The following NCS1 variants were observed in gnomAD, a reference collection of about 807,000 sequenced individuals.
NCS1 encodes the protein neuronal calcium sensor 1, also known as frequenin homolog.
In NCS1, 6 loss-of-function variants were observed where a neutral mutation model predicts 28.4. The ratio of observed to expected loss-of-function variants is 0.21; its 90% CI spans 0.12 to 0.42. The LOEUF (loss-of-function observed/expected upper bound fraction) is 0.42, where lower values mean the gene tolerates loss of function less well. NCS1 is among the 10% of genes least tolerant of loss of function. The pLI, the probability that NCS1 is intolerant of heterozygous loss-of-function variation, is 1.00. For synonymous variants in NCS1, 86 were observed against 99.3 expected (o/e 0.87, Z 0.79); for missense variants, 131 against 241.4 (o/e 0.54, Z 3.03).
rs1832739831 is a variant in NCS1, at chr9:130,186,490, G to C, written c.64+13763G>C. On this transcript the variant is annotated intron_variant, in intron 1 of 7. Coordinates refer to ENST00000372398, the MANE Select transcript of NCS1 (RefSeq NM_014286.4). The surrounding 1 kb of genome is among the most constrained non-coding windows in gnomAD (Gnocchi z 4.1). ...GAATTTGATAGTACTGCTTGAGGGA[G>C]ATGAGAAGTTTGCGGGGAGGGTTTG... Among the ~76,000 whole-genome samples, 1 of 152,168 alleles carries C rather than the reference G, an allele frequency of 6.6e-6. No homozygotes were observed.
At position 130,232,019 on chromosome 9, in the gene NCS1, T is replaced by C. The variant is rs1269962193; in HGVS notation, c.*18-971T>C. Among the ~76,000 whole-genome samples the C allele has an allele frequency of 6.6e-6, 1 of 152,116 alleles. No individual in the cohort carries two copies. Among genetic ancestry groups the C allele is most frequent in the Non-Finnish European group, 1.5e-5 (1 of 68,026 alleles). ...TGGAGTGCAGTGATGCAATCTCGGC[T>C]CACTGCAACCTCTGCCTCCCAGGTT... On this transcript the variant is annotated intron_variant, in intron 7 of 7. Transcript: ENST00000372398. The surrounding 1 kb of genome is among the most constrained non-coding windows in gnomAD (Gnocchi z 4.4).
intron 1 of NCS1, among the ~76,000 whole-genome samples, chr9:130,198,435 C>G (rs1350352364): frequency 6.6e-6 from 1 of 152,172 alleles, no homozygotes; most frequent in Non-Finnish European, 1.5e-5. Flanking sequence ...CTGTTTGTGT[C>G]GAATGCTGCC....
intron 1 of NCS1, among the ~76,000 whole-genome samples, chr9:130,178,917 T>C (rs1588107149): frequency 1.7e-5 from 1 of 58,058 alleles, no homozygotes; most frequent in African/African-American, 6.9e-5. Flanking sequence ...TCCCCTTCCC[T>C]CCCCTTCCCT....
intron 7 of NCS1, among the ~76,000 whole-genome samples, chr9:130,231,846 C>T (rs188120553): frequency 2.1e-4 from 32 of 151,518 alleles, no homozygotes; most frequent in African/African-American, 6.8e-4. Context: ...TCCAGTTTCC[C>T]ACATCCTTGC....
chr9:130,235,842 T>A lies in NCS1; in HGVS notation c.*2870T>A, dbSNP rs1554912970. ...GCCACCCAATGCGGCTCGCTTCAGA[T>A]GCTCTGATGCAGAGGGCACGCCCAT... On this transcript the variant is annotated 3_prime_UTR_variant, in exon 8 of 8. Transcript: ENST00000372398. 6.6e-6 allele frequency: 1 copy of A among 152,330 alleles called. No homozygotes were observed. The highest frequency in any genetic ancestry group is 6.5e-5 in the Admixed American group (1 of 15,288). The allele number at this position is 152,330 out of a possible 1,614,324, so 9.4% of individuals were successfully genotyped here. A position where few individuals can be genotyped will look rare whatever the true frequency, so the allele number is the denominator to read the frequency against.
chr9:130,174,895 C>T (rs1162118706), intron 1 of NCS1, among the ~76,000 whole-genome samples: 7 of 151,466 alleles, frequency 4.6e-5, no homozygotes, highest in South Asian at 2.1e-4. Context: ...TAGTCCTGTC[C>T]GGCCCCCTCC....
intron 2 of NCS1, among the ~76,000 whole-genome samples, chr9:130,201,250 G>A (rs1554907449): frequency 6.6e-6 from 1 of 152,170 alleles, no homozygotes; most frequent in African/African-American, 2.4e-5. Flanking sequence ...AGGCCTGAAG[G>A]GTTGATTCCA....
chr9:130,189,909 T>TATATATATATATATA (rs1564704684), intron 1 of NCS1, among the ~76,000 whole-genome samples: 2 of 125,748 alleles, frequency 1.6e-5, no homozygotes, highest in African/African-American at 6.5e-5. Flanking sequence ...TATATATATA[T>TATATATATATATATA]TCCCAAGGTC....
intron 1 of NCS1, among the ~76,000 whole-genome samples, chr9:130,195,716 G>A (rs937355988): frequency 2.0e-5 from 3 of 152,250 alleles, no homozygotes; most frequent in African/African-American, 7.2e-5. Context: ...GAGCCACCGC[G>A]CTCGGGCGCA....
rs551861415 is a variant in NCS1, at chr9:130,192,974, C to T, written c.65-7984C>T. On this transcript the variant is annotated intron_variant, in intron 1 of 7. Transcript: ENST00000372398. The surrounding 1 kb of genome is among the most constrained non-coding windows in gnomAD (Gnocchi z 4.8). The stretch of plus-strand genomic sequence containing the variant: ...CCGAAACCCAAACTGGGGAAAAAAC[C>T]GGTCACACAGCAACGGAGTGGCAGA... Among the ~76,000 whole-genome samples the T allele has an allele frequency of 5.3e-5, 8 of 152,214 alleles. No individual in the cohort carries two copies. The highest frequency in any genetic ancestry group is 1.9e-4 in the East Asian group (1 of 5,192).
At chr9:130,193,565 G>A (rs781921833) in intron 1 of NCS1, among the ~76,000 whole-genome samples, 3 of 152,050 alleles carry the variant, frequency 2.0e-5, no homozygotes, top group Admixed American at 6.5e-5. Context: ...AGGCCCGGGC[G>A]ATCCCTTTGG....
rs1478295276 is a variant in NCS1, at chr9:130,237,280, C to A, written c.*4308C>A. 1 of 152,352 alleles carries A rather than the reference C, an allele frequency of 6.6e-6. No homozygotes were observed. Among genetic ancestry groups the A allele is most frequent in the Non-Finnish European group, 1.5e-5 (1 of 68,130 alleles). 9.4% of individuals were successfully genotyped at this position (152,352 alleles called of 1,614,324 possible). ...TGTCGTCCATGTCACGCCAATTAAACACGCTTCCTGGACTTGTCCTCGCCT... is the reference window on the plus strand; with the variant it reads ...TGTCGTCCATGTCACGCCAATTAAAAACGCTTCCTGGACTTGTCCTCGCCT... On this transcript the variant is annotated 3_prime_UTR_variant, in exon 8 of 8. Transcript: ENST00000372398.
intron 2 of NCS1, among the ~76,000 whole-genome samples, chr9:130,208,566 C>T (rs1183890841): frequency 3.9e-5 from 6 of 152,144 alleles, no homozygotes; most frequent in Admixed American, 6.5e-5. Flanking sequence ...TGAGCCACTG[C>T]GCCTGACTCT....
At chr9:130,197,549 G>T (rs782694600) in intron 1 of NCS1, among the ~76,000 whole-genome samples, 10 of 152,200 alleles carry the variant, frequency 6.6e-5, no homozygotes, top group Admixed American at 1.3e-4. Flanking sequence ...TAGCTGCTCA[G>T]CAGGGGGCTG....
rs1354485747 is a variant in NCS1, at chr9:130,233,721, A to C, written c.*749A>C. ...CCAGGGCTGCGGGCCCACCGTTTAC[A>C]TGTGCACGCCCTGACCCACCTGCCC... On this transcript the variant is annotated 3_prime_UTR_variant, in exon 8 of 8. Transcript: ENST00000372398. The surrounding 1 kb of genome is among the most constrained non-coding windows in gnomAD (Gnocchi z 4.8). 2.0e-5 allele frequency: 3 copies of C among 152,438 alleles called. No homozygotes were observed. Among genetic ancestry groups the C allele is most frequent in the Non-Finnish European group, 2.9e-5 (2 of 68,042 alleles). The allele number at this position is 152,438 out of a possible 1,614,324, so 9.4% of individuals were successfully genotyped here. A position where few individuals can be genotyped will look rare whatever the true frequency, so the allele number is the denominator to read the frequency against.
At chr9:130,188,709 C>G (rs1564704335) in intron 1 of NCS1, among the ~76,000 whole-genome samples, 1 of 150,586 alleles carries the variant, frequency 6.6e-6, no homozygotes, top group Non-Finnish European at 1.5e-5. Flanking sequence ...CTGCGCCCAG[C>G]CTCTTTCCTT....
chr9:130,222,692 C>T lies in NCS1; in HGVS notation c.350C>T (p.Thr117Ile). 1 of 1,614,014 alleles carries T rather than the reference C, an allele frequency of 6.2e-7. No homozygotes were observed. The highest frequency in any genetic ancestry group is 1.1e-5 in the South Asian group (1 of 91,060). ...LYDLDNDGYI[T>I]RNEMLDIVDA... is the part of the protein sequence containing the mutation. ...GACTTGGACAATGATGGCTACATCACCAGGAATGAGATGCTGGACATTGTG... is the reference window on the plus strand; with the variant it reads ...GACTTGGACAATGATGGCTACATCATCAGGAATGAGATGCTGGACATTGTG... Residue 117 changes from threonine to isoleucine, a missense_variant, in exon 5 of 8, where the codon ACC (threonine) becomes ATC (isoleucine). Physicochemically the swap from Thr to Ile is moderately conservative, Grantham distance 89 (BLOSUM62 -1). Around this residue, in one of 2 missense-constraint regions of NCS1, gnomAD observed 100 missense variants for 210.3 expected, o/e 0.48. Coordinates refer to ENST00000372398, the MANE Select transcript of NCS1 (RefSeq NM_014286.4).
In NCS1 at chr9:130,216,068, A is replaced by G. The variant is rs541221663; in HGVS notation, c.90-1764A>G. Among the ~76,000 whole-genome samples the G allele has an allele frequency of 3.3e-5, 5 of 152,246 alleles. No homozygotes were observed. The East Asian group carries it at 9.7e-4, about 29-fold the overall frequency. ...AGGGTGCCACCCCTGGGTGCCCCAC[A>G]TGTCCCTTCACATGTGCCCAGGATC... On this transcript the variant is annotated intron_variant, in intron 2 of 7. Coordinates refer to ENST00000372398, the MANE Select transcript of NCS1 (RefSeq NM_014286.4).
In NCS1 at chr9:130,219,923, C is replaced by T. The variant is rs1218642032; in HGVS notation, c.307+120C>T. The T allele has an allele frequency of 1.7e-5, 18 of 1,078,684 alleles. No homozygotes were observed. The highest frequency in any genetic ancestry group is 2.6e-5 in the South Asian group (2 of 76,434). The allele number at this position is 1,078,684 out of a possible 1,614,324, so 66.8% of individuals were successfully genotyped here. On this transcript the variant is annotated intron_variant, in intron 4 of 7. Transcript: ENST00000372398. This position sits in a 1 kb window ranked among gnomAD's most constrained non-coding sequence, Gnocchi z 5.7. ...CACCCACTGCAGTGACCACAGATGG[C>T]GTCCCAGCTGTGTCTGCAGAGGGCA...
Sources: gnomAD v4.1 joint callset for allele counts (sites outside exome capture counted in the v4.1 genomes callset) on GRCh38, gnomAD v4.1.1 for gene constraint, gnomAD v4.1.1 regional missense constraint, Gnocchi (gnomAD v3.1) non-coding constraint, MANE v1.5 for transcripts, NCBI Gene and HGNC (gene_info 2026-07-23, HGNC 2026-07-21) for gene names.